IL1RAPL2: variants seen among roughly 807,000 people sequenced by gnomAD.
The protein encoded by IL1RAPL2 is X-linked interleukin-1 receptor accessory protein-like 2.
IL1RAPL2 carries 3 observed loss-of-function variants against 44.1 expected under a neutral mutation model. That is an observed-to-expected ratio of 0.07 (90% CI 0.03 to 0.18). The LOEUF (loss-of-function observed/expected upper bound fraction) is 0.18. Ranked by LOEUF, IL1RAPL2 falls within the 10% of genes least tolerant of loss-of-function variation. The pLI, the probability that IL1RAPL2 is intolerant of heterozygous loss-of-function variation, is 1.00. For missense variants in IL1RAPL2, 391 were observed against 496.4 expected (o/e 0.79, Z 2.02); for synonymous variants, 181 against 178.8 (o/e 1.01, Z -0.10).
intron 2 of IL1RAPL2, among the ~76,000 whole-genome samples, chrX:104,825,912 G>A (rs1921437498): frequency 9.0e-6 from 1 of 111,442 alleles, no homozygotes. Flanking sequence ...TCTTGTCTGA[G>A]TTCTTTGACA....
intron 7 of IL1RAPL2, among the ~76,000 whole-genome samples, chrX:105,729,789 G>GAGAA (rs1293733404): frequency 1.9e-5 from 2 of 106,178 alleles, no homozygotes; most frequent in Non-Finnish European, 3.9e-5. Context: ...AAATGAGAAA[G>GAGAA]AGAAAGAACA....
chrX:105,219,944 G>A (rs1556178046), intron 3 of IL1RAPL2: 1 of 1,181,389 alleles, frequency 8.5e-7, no homozygotes, highest in Admixed American at 2.2e-5. Context: ...CTTACTGCAT[G>A]GAGCGGCTTC....
intron 3 of IL1RAPL2, chrX:105,219,114 G>A (rs782081203): frequency 8.3e-7 from 1 of 1,211,159 alleles, no homozygotes; most frequent in East Asian, 3.0e-5. Flanking sequence ...AGTATCTCCT[G>A]TCTCTTGGGT....
At chrX:104,956,588 A>C (rs1323176000) in intron 2 of IL1RAPL2, among the ~76,000 whole-genome samples, 1 of 108,301 alleles carries the variant, frequency 9.2e-6, no homozygotes, top group Non-Finnish European at 1.9e-5. Context: ...CAGTGAACCG[A>C]GATGCTCCAC....
intron 5 of IL1RAPL2, among the ~76,000 whole-genome samples, chrX:105,320,290 A>G (rs1162465340): frequency 8.9e-6 from 1 of 111,779 alleles, no homozygotes; most frequent in African/African-American, 3.3e-5. Flanking sequence ...AAGTAACTAC[A>G]TTTCTTAAGT....
At chrX:104,895,379 A>G (rs771940341) in intron 2 of IL1RAPL2, among the ~76,000 whole-genome samples, 1 of 112,806 alleles carries the variant, frequency 8.9e-6, no homozygotes, top group African/African-American at 3.2e-5. Context: ...CCCTGCCCCC[A>G]GAAGGGGAGT....
At chrX:105,684,401 T>C (rs2037951653) in intron 6 of IL1RAPL2, among the ~76,000 whole-genome samples, 1 of 112,770 alleles carries the variant, frequency 8.9e-6, no homozygotes, top group Admixed American at 9.3e-5. Flanking sequence ...GCTCAGTGGG[T>C]CCCATGCCCA....
intron 7 of IL1RAPL2, among the ~76,000 whole-genome samples, chrX:105,725,936 C>G (rs1251273528): frequency 9.0e-6 from 1 of 111,394 alleles, no homozygotes; most frequent in Non-Finnish European, 1.9e-5. Flanking sequence ...CTAGGGCCGT[C>G]CTTAATTTCT....
chrX:105,655,198 A>G (rs746831407), intron 6 of IL1RAPL2, among the ~76,000 whole-genome samples: 2 of 112,470 alleles, frequency 1.8e-5, no homozygotes, highest in South Asian at 3.7e-4. Context: ...GTGTCCAAGT[A>G]TCACTTTTCT....
At chrX:104,798,682 G>T (rs1434041654) in intron 2 of IL1RAPL2, among the ~76,000 whole-genome samples, 1 of 110,246 alleles carries the variant, frequency 9.1e-6, no homozygotes, top group Non-Finnish European at 1.9e-5. Flanking sequence ...AAATTTACAA[G>T]CTCATTTTTT....
At chrX:105,027,658 A>G (rs1359784038) in intron 2 of IL1RAPL2, among the ~76,000 whole-genome samples, 1 of 111,784 alleles carries the variant, frequency 8.9e-6, no homozygotes, top group Admixed American at 9.5e-5. Context: ...AATGGCTTAT[A>G]TCCAAAATAC....
chrX:104,629,812 C>T (rs1410849339), intron 1 of IL1RAPL2, among the ~76,000 whole-genome samples: 1 of 111,535 alleles, frequency 9.0e-6, no homozygotes, highest in Non-Finnish European at 1.9e-5. Context: ...GTTCTTAGAG[C>T]CTTTATTGAC....
At chrX:104,848,172 G>A (rs1319304601) in intron 2 of IL1RAPL2, among the ~76,000 whole-genome samples, 3 of 109,514 alleles carry the variant, frequency 2.7e-5, no homozygotes, top group Non-Finnish European at 5.7e-5. Context: ...TTTCCTAATT[G>A]AATACCCTTT....
Position 105,426,709 on chromosome X carries a change from G to A in IL1RAPL2, c.698-57604G>A, listed in dbSNP as rs138191570. Among the ~76,000 whole-genome samples, 5 of 110,409 alleles carry A rather than the reference G, an allele frequency of 4.5e-5. No homozygotes were observed. The East Asian group carries it at 1.4e-3, about 32-fold the overall frequency. On this transcript the variant is annotated intron_variant, in intron 5 of 10. Coordinates refer to ENST00000372582, the MANE Select transcript of IL1RAPL2 (RefSeq NM_017416.2). ...CTAATACAATCATTGGTACAGAGTA[G>A]ATAATTAAATATTTGCTGATTAAAT...
chrX:105,639,428 G>A (rs1277874301), intron 6 of IL1RAPL2, among the ~76,000 whole-genome samples: 1 of 110,709 alleles, frequency 9.0e-6, no homozygotes, highest in East Asian at 2.9e-4. Context: ...TGTGAACATC[G>A]GTGCAGCATT....
Position 105,560,017 on chromosome X carries a change from C to A in IL1RAPL2, c.772+75630C>A, listed in dbSNP as rs552695706. Among the ~76,000 whole-genome samples the A allele has an allele frequency of 1.5e-4, 17 of 111,813 alleles. No homozygotes were observed. In the Admixed American group the frequency reaches 1.6e-3, roughly 11 times the overall value. On this transcript the variant is annotated intron_variant, in intron 6 of 10. Transcript: ENST00000372582. ...GGTGGAGCACCAGACACCGTCTTGACCTCTCCATCTCCCTTTATTGCCTCA... is the reference window on the plus strand; with the variant it reads ...GGTGGAGCACCAGACACCGTCTTGAACTCTCCATCTCCCTTTATTGCCTCA...
chrX:104,636,830 A>C (rs915260388), intron 1 of IL1RAPL2, among the ~76,000 whole-genome samples: 10 of 111,871 alleles, frequency 8.9e-5, no homozygotes, highest in African/African-American at 2.3e-4. Flanking sequence ...GCTCATGCTC[A>C]GTGTGCTGCA....
intron 2 of IL1RAPL2, among the ~76,000 whole-genome samples, chrX:104,931,947 A>AGTGTGTGTGTGTGTGTGTGTGT (rs34524314): frequency 1.1e-5 from 1 of 89,014 alleles, no homozygotes; most frequent in Admixed American, 1.4e-4. Context: ...GGAAACTATG[A>AGTGTGTGTGTGTGTGTGTGTGT]GTGTGTGTGT....
chrX:104,765,979 T>C (rs1249424288), intron 2 of IL1RAPL2, among the ~76,000 whole-genome samples: 3 of 112,292 alleles, frequency 2.7e-5, no homozygotes, highest in Admixed American at 1.9e-4. Flanking sequence ...TATCTAGTGA[T>C]CTAATGAGGC....
Sources: allele counts gnomAD v4.1 joint callset (sites outside exome capture counted in the v4.1 genomes callset), GRCh38; gene constraint gnomAD v4.1.1; transcripts MANE v1.5; gene names NCBI Gene and HGNC (gene_info 2026-07-23, HGNC 2026-07-21).